CPS1: variants seen among roughly 807,000 people sequenced by gnomAD.
CPS1 encodes carbamoyl-phosphate synthase [ammonia], mitochondrial.
A neutral mutation model predicts 174.6 loss-of-function variants in CPS1; 109 were observed. The ratio of observed to expected loss-of-function variants is 0.62; its 90% CI spans 0.53 to 0.73. The LOEUF (loss-of-function observed/expected upper bound fraction) is 0.73, where lower values mean the gene tolerates loss of function less well. Among genes scored for constraint, CPS1 ranks in the 30% least tolerant of loss-of-function variants. The probability of loss-of-function intolerance (pLI) is 0.00; values close to 1 mark genes in which losing one functional copy is unlikely to be tolerated. For missense variants in CPS1, 1,689 were observed against 1,821.9 expected, an observed-to-expected ratio of 0.93 and a Z score of 1.33; for synonymous variants, 637 against 632.0, an observed-to-expected ratio of 1.01 and a Z score of -0.12.
intron 1 of CPS1, among the ~76,000 whole-genome samples, chr2:210,477,949 C>A (rs1694444427): frequency 6.6e-6 from 1 of 152,194 alleles, no homozygotes; most frequent in Admixed American, 6.5e-5. Context: ...TTAAGCAAGG[C>A]AGGATGGTAA....
chr2:210,604,189 G>T (rs576288511), intron 16 of CPS1, among the ~76,000 whole-genome samples: 137 of 151,872 alleles, frequency 9.0e-4, no homozygotes, highest in Non-Finnish European at 1.6e-3. Flanking sequence ...ATTTGCACGT[G>T]CTGGAGCCTG....
In CPS1 at chr2:210,548,217, T is replaced by G. The variant is rs535958160; in HGVS notation, c.4-8502T>G. 1.2e-4 allele frequency among the ~76,000 whole-genome samples: 19 copies of G among 152,170 alleles called. No homozygotes were observed. The South Asian group carries it at 1.7e-3, about 13-fold the overall frequency. On this transcript the variant is annotated intron_variant, in intron 1 of 38. Transcript: ENST00000430249. ...TTTGTTTCTCTCATTTGTCTTACAT[T>G]TTATGTCTAATCATCATTTCACAAA...
At position 210,531,254 on chromosome 2, in the gene CPS1, C is replaced by T. The variant is rs903721968; in HGVS notation, c.4-25465C>T. ...AGGGCAAAGACGGGGGAAAAAAGTA[C>T]GAGCTCTGGAGAACAGATAATTCTC... On this transcript the variant is annotated intron_variant, in intron 1 of 38. Transcript: ENST00000430249. Among the ~76,000 whole-genome samples, 10 of 152,148 alleles carry T rather than the reference C, an allele frequency of 6.6e-5. 1 individual carries two copies. Among genetic ancestry groups the T allele is most frequent in the Admixed American group, 5.2e-4 (8 of 15,256 alleles).
Position 210,612,139 on chromosome 2 carries a change from T to C in CPS1, c.2414T>C (p.Phe805Ser). 6.2e-7 allele frequency: 1 copy of C among 1,612,100 alleles called. No homozygotes were observed. The highest frequency in any genetic ancestry group is 8.5e-7 in the Non-Finnish European group (1 of 1,178,712). The change falls in exon 20 of 38, where the codon TTT (phenylalanine) becomes TCT (serine). Residue 805 changes from phenylalanine to serine, a missense_variant. Coordinates refer to ENST00000233072, the MANE Select transcript of CPS1 (RefSeq NM_001875.5). ...CAGGTCATGGCTATTGGTCGTACCTTTGAGGAGAGTTTCCAGAAAGCTTTA... is the reference window on the plus strand; with the variant it reads ...CAGGTCATGGCTATTGGTCGTACCTCTGAGGAGAGTTTCCAGAAAGCTTTA... ...VGEVMAIGRT[F>S]EESFQKALRM...
At chr2:210,622,516 C>T (rs1699561476) in intron 21 of CPS1, among the ~76,000 whole-genome samples, 1 of 151,416 alleles carries the variant, frequency 6.6e-6, no homozygotes, top group Admixed American at 6.6e-5. Flanking sequence ...AAACAGTAGC[C>T]AATAAAGGGG....
intron 21 of CPS1, among the ~76,000 whole-genome samples, chr2:210,620,469 T>C (rs1050391301): frequency 2.6e-5 from 4 of 152,120 alleles, no homozygotes; most frequent in Admixed American, 1.3e-4. Flanking sequence ...CATTCTTGCA[T>C]TGCTATGAAG....
intron 1 of CPS1, among the ~76,000 whole-genome samples, chr2:210,515,457 T>A (rs1574484928): frequency 6.6e-6 from 1 of 151,868 alleles, no homozygotes. Context: ...TAGGAATTTA[T>A]GTGTTTCCTC....
intron 13 of CPS1, among the ~76,000 whole-genome samples, chr2:210,597,315 G>A (rs563130168): frequency 3.3e-5 from 5 of 151,770 alleles, no homozygotes; most frequent in Non-Finnish European, 7.4e-5. Flanking sequence ...GACTCGTATT[G>A]AGGAAAGAGC....
chr2:210,673,150 C>T (rs565995631), intron 34 of CPS1: 1 of 152,286 alleles, frequency 6.6e-6, no homozygotes, highest in African/African-American at 2.4e-5. Context: ...TAGCTCATGT[C>T]ATCTGTTTAA....
chr2:210,650,436 C>A lies in CPS1; in HGVS notation c.3478C>A (p.Gln1160Lys). The change falls in exon 28 of 38, where the codon CAG becomes AAG. Residue 1160 changes from glutamine (Q) to lysine (K), a missense_variant and splice_region_variant. Coordinates refer to ENST00000233072, the MANE Select transcript of CPS1 (RefSeq NM_001875.5). The stretch of plus-strand genomic sequence containing the variant: ...CCTAGAAGAGGCGACTAGAGTTTCT[C>A]AGGTAGTGTCCAATTTCTTTGTAGT... ...KFLEEATRVS[Q>K]EHPVVLTKFV... The A allele has an allele frequency of 6.2e-7, 1 of 1,606,174 alleles. No individual in the cohort carries two copies. The highest frequency in any genetic ancestry group is 8.5e-7 in the Non-Finnish European group (1 of 1,172,908).
At chr2:210,675,287 A>G (rs891447535) in intron 35 of CPS1, among the ~76,000 whole-genome samples, 44 of 152,208 alleles carry the variant, frequency 2.9e-4, no homozygotes, top group Admixed American at 2.6e-4. Flanking sequence ...TAGCTGTGAC[A>G]GTTACAGGCA....
At chr2:210,639,502 C>T in intron 23 of CPS1, among the ~76,000 whole-genome samples, 1 of 150,730 alleles carries the variant, frequency 6.6e-6, no homozygotes, top group Non-Finnish European at 1.5e-5. Flanking sequence ...GTCCCAGCTA[C>T]TCGGGAGGCT....
intron 1 of CPS1, among the ~76,000 whole-genome samples, chr2:210,538,745 A>G (rs1426305544): frequency 6.6e-6 from 1 of 152,144 alleles, no homozygotes; most frequent in Non-Finnish European, 1.5e-5. Context: ...GAAAATAAAT[A>G]TTATATATTA....
At position 210,602,390 on chromosome 2, in the gene CPS1, T is replaced by A. The variant is rs1574577911; in HGVS notation, c.1836+60T>A. The A allele has an allele frequency of 7.0e-6, 11 of 1,578,372 alleles. No individual in the cohort carries two copies. In the East Asian group the frequency reaches 2.2e-4, roughly 32 times the overall value. ...AAAAAAACTGGCTTGATAGACCTTT[T>A]CAACTAGAGAAAGTTATGTAGATGA... On this transcript the variant is annotated intron_variant, in intron 16 of 37. Transcript: ENST00000233072.
chr2:210,642,071 A>G (rs1700243103), intron 24 of CPS1, among the ~76,000 whole-genome samples: 1 of 152,216 alleles, frequency 6.6e-6, no homozygotes, highest in South Asian at 2.1e-4. Flanking sequence ...TTAAGTGGAA[A>G]GGCTGAAAAA....
At chr2:210,595,860 T>C (rs1698465241) in intron 13 of CPS1, among the ~76,000 whole-genome samples, 1 of 151,964 alleles carries the variant, frequency 6.6e-6, no homozygotes, top group Non-Finnish European at 1.5e-5. Context: ...CATTTATTTA[T>C]GCTGTTTATT....
exon 1 of CPS1, chr2:210,477,736 C>T (rs1393873267): frequency 4.3e-6 from 7 of 1,612,776 alleles, no homozygotes; most frequent in African/African-American, 1.3e-5. Context: ...TTAACCTCAT[C>T]AAATTCATGA....
At chr2:210,566,904 C>T (rs2106059188) in intron 1 of CPS1, among the ~76,000 whole-genome samples, 1 of 152,182 alleles carries the variant, frequency 6.6e-6, no homozygotes, top group South Asian at 2.1e-4. Context: ...CCAAACCTTA[C>T]TTTTCCAACA....
intron 33 of CPS1, among the ~76,000 whole-genome samples, chr2:210,667,338 G>T (rs974859356): frequency 6.6e-6 from 1 of 151,982 alleles, no homozygotes; most frequent in African/African-American, 2.4e-5. Context: ...CTGCCTAATT[G>T]CCCTGTATTT....
Sources: gnomAD v4.1 joint callset for allele counts (sites outside exome capture counted in the v4.1 genomes callset) on GRCh38, gnomAD v4.1.1 for gene constraint, MANE v1.5 for transcripts, NCBI Gene and HGNC (gene_info 2026-07-23, HGNC 2026-07-21) for gene names.